Variants in KTN1 observed in about 807,000 individuals in gnomAD.
KTN1 encodes kinectin.
Under a neutral mutation model 222.5 loss-of-function variants are expected in KTN1, and 130 were observed. That is an observed-to-expected ratio of 0.58 (90% CI 0.51 to 0.68). The LOEUF (loss-of-function observed/expected upper bound fraction) is 0.68, where lower values mean the gene tolerates loss of function less well. Among genes scored for constraint, KTN1 ranks in the 30% least tolerant of loss-of-function variants. The pLI is 0.00. For missense variants in KTN1, 1,508 were observed against 1,500.4 expected (o/e 1.01, Z -0.08); for synonymous variants, 512 against 496.3 (o/e 1.03, Z -0.42).
At chr14:55,651,959 A>G in intron 25 of KTN1, 32 bp downstream of exon 25, 4 of 1,400,990 alleles carry the variant, frequency 2.9e-6, no homozygotes, top group African/African-American at 1.4e-5. Context: ...TCCTTTTACT[A>G]TTTCTTTTTC....
intron 28 of KTN1, among the ~76,000 whole-genome samples, chr14:55,654,655 C>A (rs1479110515): frequency 1.3e-5 from 2 of 151,778 alleles, no homozygotes; most frequent in African/African-American, 2.4e-5. Flanking sequence ...TAACATCTTG[C>A]ATTAGCATGG....
rs774264248 is a variant in KTN1, at chr14:55,637,892, T to C, written c.1785+45T>C. ...GCTTATGATTAATAACTTGCAGCCA[T>C]TTAAACACTCACCTGAATGTCTGTT... On this transcript the variant is annotated intron_variant, in intron 12 of 43. Coordinates refer to ENST00000395314, the MANE Select transcript of KTN1 (RefSeq NM_001079521.2). 3.4e-5 allele frequency: 49 copies of C among 1,428,684 alleles called. 3 individuals are homozygous for C. In the South Asian group the frequency reaches 5.8e-4, roughly 17 times the overall value. The allele number at this position is 1,428,684 out of a possible 1,614,324, so 88.5% of individuals were successfully genotyped here.
intron 2 of KTN1, among the ~76,000 whole-genome samples, chr14:55,615,522 G>A (rs1483925897): frequency 6.6e-6 from 1 of 152,102 alleles, no homozygotes; most frequent in African/African-American, 2.4e-5. Context: ...ATAATGGAGA[G>A]GAGATAATTT....
intron 34 of KTN1, 124 bp from the exon 35 acceptor site, chr14:55,670,605 T>C: frequency 8.3e-6 from 5 of 603,838 alleles, no homozygotes; most frequent in East Asian, 2.9e-5. Context: ...TGTAGCAATG[T>C]CCTGTTTGTC....
intron 35 of KTN1, among the ~76,000 whole-genome samples, chr14:55,671,137 C>T (rs2045408287): frequency 6.6e-6 from 1 of 152,140 alleles, no homozygotes; most frequent in Non-Finnish European, 1.5e-5. Context: ...CACTGGTTTG[C>T]TGAAGCATCC....
intron 1 of KTN1, among the ~76,000 whole-genome samples, chr14:55,606,795 A>G (rs2036793704): frequency 6.6e-6 from 1 of 152,190 alleles, no homozygotes; most frequent in African/African-American, 2.4e-5. Flanking sequence ...AATTAACCAA[A>G]CAGTAAAATG....
At chr14:55,644,558 G>GA in intron 18 of KTN1, 3 of 381,788 alleles carry the variant, frequency 7.9e-6, no homozygotes, top group East Asian at 8.4e-5. Context: ...CTCAGAATAA[G>GA]ACTTTTTTTT....
chr14:55,632,365 TTA>T (rs140879434), intron 7 of KTN1, among the ~76,000 whole-genome samples: 9,166 of 152,290 alleles, frequency 0.06, 377 homozygotes, highest in South Asian at 0.089. Context: ...TTAATTTCCC[TTA>T]ATAAGCAACA....
At chr14:55,672,350 C>T (rs1440658059) in intron 37 of KTN1, 1 of 286,426 alleles carries the variant, frequency 3.5e-6, no homozygotes, top group Admixed American at 4.9e-5. Flanking sequence ...TGATGGTACT[C>T]TAATGCACTT....
Position 55,644,136 on chromosome 14 carries a change from CAAAG to C in KTN1, c.2172+2379_2172+2382del, listed in dbSNP as rs1275765958. ...TTGAGACTTCTTTCATCTTGGCAGA[CAAAG>C]AATCATTTCTGTGGCTTTTCCTCTA... is the stretch of plus-strand genomic sequence containing the variant. On this transcript the variant is annotated intron_variant, in intron 18 of 43. Transcript: ENST00000395314. The C allele has an allele frequency of 1.6e-5, 6 of 376,208 alleles. No individual in the cohort carries two copies. The South Asian group carries it at 1.9e-4, about 12-fold the overall frequency. The allele number at this position is 376,208 out of a possible 1,614,324, so 23.3% of individuals were successfully genotyped here.
intron 9 of KTN1, among the ~76,000 whole-genome samples, chr14:55,635,541 G>A (rs2041025443): frequency 6.6e-6 from 1 of 152,192 alleles, no homozygotes; most frequent in South Asian, 2.1e-4. Context: ...TTAGACGCCA[G>A]AGTGTCACTT....
chr14:55,635,525 G>GT (rs2041023089), intron 9 of KTN1, among the ~76,000 whole-genome samples: 1 of 152,160 alleles, frequency 6.6e-6, no homozygotes, highest in Non-Finnish European at 1.5e-5. Context: ...GTCACATACT[G>GT]TATCTTTAGA....
rs1169685296 is a variant in KTN1 at position 55,679,624 on chromosome 14, G to A, written c.4008G>A (p.Gln1336=). Residue 1336 remains glutamine (Q), a synonymous_variant, in exon 43 of 44, where the codon CAG becomes CAA. Transcript: ENST00000395314. Reference sequence around the variant, plus strand: ...TAAATCAGACTGTAACACAGTTACAGCAGTTGCTTCAGGCGGTAAACCAAC... The same window carrying A: ...TAAATCAGACTGTAACACAGTTACAACAGTTGCTTCAGGCGGTAAACCAAC... ...VSLNQTVTQL[Q]QLLQAVNQQL... The A allele has an allele frequency of 6.2e-7, 1 of 1,612,822 alleles. No homozygotes were observed.
At chr14:55,630,167 T>C (rs1051442333) in intron 7 of KTN1, 70 bp downstream of exon 7, 3 of 1,367,240 alleles carry the variant, frequency 2.2e-6, no homozygotes, top group Non-Finnish European at 3.1e-6. Flanking sequence ...TTTAAGTGGC[T>C]AGTATGTACA....
intron 1 of KTN1, among the ~76,000 whole-genome samples, chr14:55,588,103 A>C (rs969010355): frequency 6.6e-6 from 1 of 152,172 alleles, no homozygotes; most frequent in African/African-American, 2.4e-5. Flanking sequence ...CTTAACTACT[A>C]GTACCCTACT....
In KTN1 at chr14:55,612,450, C is replaced by A; in HGVS notation, c.402C>A (p.Asp134Glu). The change falls in exon 2 of 44, where the codon GAC (aspartate) becomes GAA (glutamate). Residue 134 changes from aspartate (D) to glutamate (E), a missense_variant. By Grantham distance (45) the Asp-to-Glu change is conservative. Transcript: ENST00000395314. ...VLEEQVIKES[D>E]ASKIPGKKVE... ...AAGAGCAGGTCATCAAAGAAAGTGA[C>A]GCATCAAAGATTCCTGGCAAAAAAG... 6.2e-7 allele frequency: 1 copy of A among 1,614,084 alleles called. No homozygotes were observed. Among genetic ancestry groups the A allele is most frequent in the Non-Finnish European group, 8.5e-7 (1 of 1,179,996 alleles).
rs531346053 is a variant in KTN1, at chr14:55,615,911, C to T, written c.524-606C>T. 1.5e-4 allele frequency among the ~76,000 whole-genome samples: 20 copies of T among 137,362 alleles called. No individual in the cohort carries two copies. In the East Asian group the frequency reaches 3.9e-3, roughly 27 times the overall value. The allele number at this position is 137,362 out of a possible 152,430, so 90.1% of individuals were successfully genotyped here. On this transcript the variant is annotated intron_variant, in intron 2 of 43. Transcript: ENST00000395314. ...CTCTCTTTCTCTCTCTCTTTTCTTT[C>T]TTCTTTCTTTCCTTTTTCTTTCGAC...
intron 1 of KTN1, among the ~76,000 whole-genome samples, chr14:55,600,907 A>C (rs2035882876): frequency 6.6e-6 from 1 of 152,060 alleles, no homozygotes; most frequent in African/African-American, 2.4e-5. Flanking sequence ...ACTTTTAACC[A>C]GATTATTTCC....
In KTN1 at chr14:55,637,773, T is replaced by C; in HGVS notation, c.1717-6T>C. Reference sequence around the variant, plus strand: ...TTTTTCTCTTTTTGGTTGCTATTTATGAAAGGATATTTTGGAGCAGAATGA... The same window carrying C: ...TTTTTCTCTTTTTGGTTGCTATTTACGAAAGGATATTTTGGAGCAGAATGA... On this transcript the variant is annotated splice_polypyrimidine_tract_variant and splice_region_variant and intron_variant, in intron 11 of 43. Transcript: ENST00000395314. 2 of 1,606,342 alleles carry C rather than the reference T, an allele frequency of 1.2e-6. No homozygotes were observed. Among genetic ancestry groups the C allele is most frequent in the Non-Finnish European group, 8.5e-7 (1 of 1,174,856 alleles).
Sources: allele counts gnomAD v4.1 joint callset (sites outside exome capture counted in the v4.1 genomes callset), GRCh38; gene constraint gnomAD v4.1.1; transcripts MANE v1.5; gene names NCBI Gene and HGNC (gene_info 2026-07-23, HGNC 2026-07-21).